CECR2: variants seen among roughly 807,000 people sequenced by gnomAD.
The protein encoded by CECR2 is CECR2 histone acetyl-lysine reader, also known as chromatin remodeling regulator CECR2.
Under a neutral mutation model 154.5 loss-of-function variants are expected in CECR2, and 30 were observed. That is an observed-to-expected ratio of 0.19 (90% CI 0.15 to 0.26). The LOEUF is 0.26. CECR2 is among the 10% of genes least tolerant of loss of function. The probability of loss-of-function intolerance (pLI) is 1.00; values close to 1 mark genes in which losing one functional copy is unlikely to be tolerated. For synonymous variants in CECR2, 725 were observed against 683.7 expected (o/e 1.06, Z -0.94); for missense variants, 1,743 against 1,829.3 (o/e 0.95, Z 0.86).
chr22:17,475,091 G>T lies in CECR2; in HGVS notation c.127-2497G>T, dbSNP rs575752160. On this transcript the variant is annotated intron_variant, in intron 1 of 18. Coordinates refer to ENST00000262608, the MANE Select transcript of CECR2 (RefSeq NM_001290047.2). ...ACGTGTAGAAACCTGGGGATGCATG[G>T]ACGCCACAGTGACAGTGAGCACTGG... 1.9e-4 allele frequency among the ~76,000 whole-genome samples: 29 copies of T among 152,306 alleles called. 1 individual carries two copies. The South Asian group carries it at 6.0e-3, about 32-fold the overall frequency.
chr22:17,389,092 G>A (rs2063298652), intron 1 of CECR2, among the ~76,000 whole-genome samples: 1 of 152,266 alleles, frequency 6.6e-6, no homozygotes, highest in Non-Finnish European at 1.5e-5. Flanking sequence ...GGGATTACAG[G>A]TGTGAGCCAC....
chr22:17,413,973 G>A lies in CECR2; in HGVS notation c.126+44064G>A, dbSNP rs576843352. Among the ~76,000 whole-genome samples the A allele has an allele frequency of 3.6e-4, 49 of 135,874 alleles. 1 individual carries two copies. The highest frequency in any genetic ancestry group is 3.4e-3 in the South Asian group (14 of 4,154). The allele number at this position is 135,874 out of a possible 152,430, so 89.1% of individuals were successfully genotyped here. A position where few individuals can be genotyped will look rare whatever the true frequency, so the allele number is the denominator to read the frequency against. On this transcript the variant is annotated intron_variant, in intron 1 of 18. Coordinates refer to ENST00000262608, the MANE Select transcript of CECR2 (RefSeq NM_001290047.2). The stretch of plus-strand genomic sequence containing the variant: ...ATTACAGGCGTGAACCACCGCGCCC[G>A]GCCTATTATTATTTTTTGAGACGGA...
chr22:17,529,211 A>G (rs1264974793), intron 9 of CECR2, among the ~76,000 whole-genome samples: 1 of 152,204 alleles, frequency 6.6e-6, no homozygotes, highest in Non-Finnish European at 1.5e-5. Context: ...GCACGGAGGC[A>G]GGGATATGCA....
chr22:17,479,077 G>C (rs1273605414), intron 2 of CECR2, among the ~76,000 whole-genome samples: 1 of 152,062 alleles, frequency 6.6e-6, no homozygotes. Flanking sequence ...AATCCAGTCT[G>C]GTAGCTGACA....
At chr22:17,390,625 T>TTTTTA (rs2063316091) in intron 1 of CECR2, among the ~76,000 whole-genome samples, 2 of 151,694 alleles carry the variant, frequency 1.3e-5, no homozygotes, top group Middle Eastern at 3.4e-3. Flanking sequence ...AAACCAGGTG[T>TTTTTA]TTTTATTTTG....
At chr22:17,418,347 T>C (rs1197903338) in intron 1 of CECR2, among the ~76,000 whole-genome samples, 1 of 152,160 alleles carries the variant, frequency 6.6e-6, no homozygotes, top group Non-Finnish European at 1.5e-5. Flanking sequence ...CTCAAGCCTA[T>C]GTGTTACTGC....
chr22:17,464,997 A>ATTT lies in CECR2; in HGVS notation c.127-12576_127-12574dup, dbSNP rs71770620. On this transcript the variant is annotated intron_variant, in intron 1 of 18. Coordinates refer to ENST00000262608, the MANE Select transcript of CECR2 (RefSeq NM_001290047.2). Reference sequence around the variant, plus strand: ...TGATCATTAAAACATCAATATTTAAATTTTTTTTTTTTTTTTTGAGACGAA... The same window carrying ATTT: ...TGATCATTAAAACATCAATATTTAAATTTTTTTTTTTTTTTTTTTTGAGACGAA... Among the ~76,000 whole-genome samples the ATTT allele has an allele frequency of 7.5e-3, 1,058 of 140,910 alleles. 78 individuals are homozygous for ATTT. The East Asian group carries it at 0.16, about 22-fold the overall frequency. The allele number at this position is 140,910 out of a possible 152,430, so 92.4% of individuals were successfully genotyped here. A position where few individuals can be genotyped will look rare whatever the true frequency, so the allele number is the denominator to read the frequency against.
chr22:17,540,394 C>T lies in CECR2; in HGVS notation c.1496-18C>T, dbSNP rs551329631. On this transcript the variant is annotated intron_variant, in intron 13 of 18. Transcript: ENST00000262608. ...CTGTAAACTATACCTAGAAGTCAAT[C>T]CTCCTGTCTTCCTATAGAGTATACC... 1.3e-6 allele frequency: 2 copies of T among 1,488,272 alleles called. No homozygotes were observed. The highest frequency in any genetic ancestry group is 2.3e-5 in the East Asian group (1 of 43,032). 92.2% of individuals were successfully genotyped at this position (1,488,272 alleles called of 1,614,324 possible). A position where few individuals can be genotyped will look rare whatever the true frequency, so the allele number is the denominator to read the frequency against.
chr22:17,497,244 C>A (rs187621380), intron 2 of CECR2, among the ~76,000 whole-genome samples, 159 bp from the exon 3 acceptor site: 66 of 152,254 alleles, frequency 4.3e-4, no homozygotes, highest in African/African-American at 1.5e-3. Flanking sequence ...GAGCTGAGAT[C>A]TTGCCACTGT....
intron 1 of CECR2, among the ~76,000 whole-genome samples, chr22:17,446,631 A>C (rs1174562480): frequency 6.6e-6 from 1 of 152,052 alleles, no homozygotes; most frequent in Non-Finnish European, 1.5e-5. Flanking sequence ...AAGGAGAATG[A>C]TGTGAACCTG....
chr22:17,464,429 A>T (rs2054992612), intron 1 of CECR2, among the ~76,000 whole-genome samples: 1 of 152,008 alleles, frequency 6.6e-6, no homozygotes, highest in African/African-American at 2.4e-5. Context: ...GTCTTGGCCC[A>T]ATTCAGTTAA....
chr22:17,368,098 C>T (rs1208950429), upstream of CECR2, among the ~76,000 whole-genome samples: 1 of 152,002 alleles, frequency 6.6e-6, no homozygotes, highest in African/African-American at 2.4e-5. Context: ...AGAAGATGCA[C>T]GTGAATATAC....
intron 2 of CECR2, among the ~76,000 whole-genome samples, chr22:17,487,542 A>G (rs1199736749): frequency 6.6e-6 from 1 of 152,206 alleles, no homozygotes; most frequent in Non-Finnish European, 1.5e-5. Flanking sequence ...TACTTAAAAA[A>G]TATAAAAAAT....
intron 1 of CECR2, among the ~76,000 whole-genome samples, chr22:17,388,102 G>T (rs375465715): frequency 4.6e-5 from 7 of 151,828 alleles, no homozygotes; most frequent in Non-Finnish European, 7.4e-5. Flanking sequence ...CTACAGGCAC[G>T]CTCCACCATG....
In CECR2 at chr22:17,521,322, C is replaced by T. The variant is rs1431079791; in HGVS notation, c.955-2796C>T. On this transcript the variant is annotated intron_variant, in intron 8 of 18. Transcript: ENST00000262608. ...TTGGGAGGCCAAGGCAGGAGGATCA[C>T]GAGGTCAGGAGATCGAGACCATCCT... Among the ~76,000 whole-genome samples the T allele has an allele frequency of 5.3e-5, 8 of 152,222 alleles. No homozygotes were observed. In the East Asian group the frequency reaches 9.7e-4, roughly 18 times the overall value.
At chr22:17,536,617 A>T (rs751597597) in intron 9 of CECR2, among the ~76,000 whole-genome samples, 46 of 152,206 alleles carry the variant, frequency 3.0e-4, no homozygotes, top group Admixed American at 5.2e-4. Context: ...TCATAAACGC[A>T]GAACGGCAAG....
rs189586669 is a variant in CECR2, at chr22:17,552,064, G to A, written c.4311G>A (p.Ser1437=). ...MQMHPVQSQA[S]FPKTPTAATS... Reference sequence around the variant, plus strand: ...TGCACCCGGTCCAGTCGCAGGCCTCGTTCCCAAAGACCCCCACAGCAGCAA... The same window carrying A: ...TGCACCCGGTCCAGTCGCAGGCCTCATTCCCAAAGACCCCCACAGCAGCAA... Residue 1437 remains serine (S), a synonymous_variant, in exon 18 of 19, where the codon TCG becomes TCA. Coordinates refer to ENST00000262608, the MANE Select transcript of CECR2 (RefSeq NM_001290047.2). 169 of 1,613,956 alleles carry A rather than the reference G, an allele frequency of 1.0e-4. No homozygotes were observed. Among genetic ancestry groups the A allele is most frequent in the Admixed American group, 3.0e-4 (18 of 60,020 alleles).
At chr22:17,533,089 G>A (rs564424567) in intron 9 of CECR2, among the ~76,000 whole-genome samples, 15 of 151,718 alleles carry the variant, frequency 9.9e-5, no homozygotes, top group South Asian at 8.4e-4. Flanking sequence ...AGGCCGAGGC[G>A]GGCAGATCAC....
At chr22:17,452,329 C>T (rs985011190) in intron 1 of CECR2, among the ~76,000 whole-genome samples, 1 of 152,212 alleles carries the variant, frequency 6.6e-6, no homozygotes, top group Non-Finnish European at 1.5e-5. Context: ...CCGCCTTGGC[C>T]TCCCAAAGTG....
Sources: gnomAD v4.1 joint callset for allele counts (sites outside exome capture counted in the v4.1 genomes callset) on GRCh38, gnomAD v4.1.1 for gene constraint, MANE v1.5 for transcripts, NCBI Gene and HGNC (gene_info 2026-07-23, HGNC 2026-07-21) for gene names.